The following PDE3A variants were observed in gnomAD, a reference collection of about 807,000 sequenced individuals.
PDE3A encodes the protein phosphodiesterase 3A, also known as cGMP-inhibited 3',5'-cyclic phosphodiesterase 3A.
Under a neutral mutation model 98.3 loss-of-function variants are expected in PDE3A, and 43 were observed. That is an observed-to-expected ratio of 0.44 (90% CI 0.34 to 0.56). The LOEUF (loss-of-function observed/expected upper bound fraction) is 0.56. PDE3A is among the 20% of genes least tolerant of loss of function. PDE3A has a pLI of 0.01. For synonymous variants in PDE3A, 663 were observed against 567.9 expected, an observed-to-expected ratio of 1.17 and a Z score of -2.38; for missense variants, 1,427 against 1,440.7, an observed-to-expected ratio of 0.99 and a Z score of 0.15.
intron 1 of PDE3A, among the ~76,000 whole-genome samples, chr12:20,483,449 T>C (rs1945668704): frequency 6.6e-6 from 1 of 152,104 alleles, no homozygotes; most frequent in African/African-American, 2.4e-5. Flanking sequence ...TTCTGGCAAA[T>C]GACTTGCAAA....
chr12:20,598,669 A>G (rs927484820), intron 2 of PDE3A, among the ~76,000 whole-genome samples: 8 of 152,210 alleles, frequency 5.3e-5, no homozygotes, highest in Admixed American at 3.3e-4. Context: ...TTCACAAATT[A>G]TTTTGTGAAG....
chr12:20,527,077 C>T (rs1013105316), intron 1 of PDE3A, among the ~76,000 whole-genome samples: 7 of 151,962 alleles, frequency 4.6e-5, no homozygotes, highest in Non-Finnish European at 8.8e-5. Context: ...TGCTGCCATG[C>T]CCGGCTGATT....
chr12:20,506,096 G>C (rs1488790583), intron 1 of PDE3A, among the ~76,000 whole-genome samples: 1 of 102,590 alleles, frequency 9.7e-6, no homozygotes, highest in African/African-American at 4.7e-5. Flanking sequence ...AACTCTAAAG[G>C]AAGGTGTGTG....
At chr12:20,472,286 A>C (rs918577870) in intron 1 of PDE3A, among the ~76,000 whole-genome samples, 4 of 152,146 alleles carry the variant, frequency 2.6e-5, no homozygotes, top group African/African-American at 9.7e-5. Context: ...CTACTTGCAT[A>C]TTCCTTTTAT....
At chr12:20,476,387 A>G (rs1945532276) in intron 1 of PDE3A, among the ~76,000 whole-genome samples, 2 of 152,170 alleles carry the variant, frequency 1.3e-5, no homozygotes, top group African/African-American at 4.8e-5. Context: ...GATATATTTG[A>G]TGGATGTTAT....
At chr12:20,500,965 A>G (rs1036983685) in intron 1 of PDE3A, among the ~76,000 whole-genome samples, 1 of 151,974 alleles carries the variant, frequency 6.6e-6, no homozygotes, top group African/African-American at 2.4e-5. Flanking sequence ...ATGGGGTGTC[A>G]TCATGTTGCC....
chr12:20,559,422 G>C (rs1038860660), intron 2 of PDE3A, among the ~76,000 whole-genome samples: 56 of 151,730 alleles, frequency 3.7e-4, no homozygotes, highest in African/African-American at 1.3e-3. Flanking sequence ...CAGATCACCA[G>C]AGGTCAGGAG....
At chr12:20,396,253 A>C (rs942764218) in intron 1 of PDE3A, among the ~76,000 whole-genome samples, 2 of 152,124 alleles carry the variant, frequency 1.3e-5, no homozygotes, top group Non-Finnish European at 2.9e-5. Context: ...TATCTCTATT[A>C]GTTGGTTTTC....
intron 1 of PDE3A, among the ~76,000 whole-genome samples, chr12:20,389,952 A>C (rs533786710): frequency 1.7e-3 from 258 of 152,062 alleles, no homozygotes; most frequent in Non-Finnish European, 1.4e-3. Flanking sequence ...GAAAAAAAAA[A>C]CCCAGTGTAT....
At chr12:20,577,650 T>G (rs774573102) in intron 2 of PDE3A, among the ~76,000 whole-genome samples, 1 of 152,174 alleles carries the variant, frequency 6.6e-6, no homozygotes, top group Non-Finnish European at 1.5e-5. Context: ...GTTGAACTAG[T>G]CAAATAACAT....
intron 15 of PDE3A, among the ~76,000 whole-genome samples, chr12:20,666,163 C>A (rs186724423): frequency 4.6e-5 from 7 of 152,008 alleles, no homozygotes; most frequent in Non-Finnish European, 1.0e-4. Context: ...TGGGGTTTCA[C>A]CATGTTGGCC....
chr12:20,413,597 A>T (rs1485075379), intron 1 of PDE3A, among the ~76,000 whole-genome samples: 1 of 152,216 alleles, frequency 6.6e-6, no homozygotes, highest in African/African-American at 2.4e-5. Flanking sequence ...AGAAATCGTC[A>T]GTGCTGGGAA....
intron 1 of PDE3A, among the ~76,000 whole-genome samples, chr12:20,397,867 A>C (rs1944046159): frequency 6.6e-6 from 1 of 152,140 alleles, no homozygotes; most frequent in African/African-American, 2.4e-5. Flanking sequence ...ATTCTGACAA[A>C]GTGGACATTG....
At position 20,613,630 on chromosome 12, in the gene PDE3A, C is replaced by T. The variant is rs143792143; in HGVS notation, c.1199C>T (p.Ser400Leu). 4.1e-5 allele frequency: 66 copies of T among 1,613,140 alleles called. No individual in the cohort carries two copies. Among genetic ancestry groups the T allele is most frequent in the African/African-American group, 1.2e-4 (9 of 74,904 alleles). ...IHKPRVNPVT[S>L]LSENYTCSDS... The stretch of plus-strand genomic sequence containing the variant: ...AAGCCCAGAGTGAATCCCGTCACTT[C>T]GCTCAGTGAAAACTATACCTGTTCT... Residue 400 changes from serine to leucine, a missense_variant, in exon 3 of 16, where the codon TCG (serine) becomes TTG (leucine). By Grantham distance (145) the Ser-to-Leu change is moderately radical. Coordinates refer to ENST00000359062, the MANE Select transcript of PDE3A (RefSeq NM_000921.5).
intron 4 of PDE3A, 75 bp from the exon 5 acceptor site, chr12:20,621,221 C>T: frequency 1.2e-6 from 1 of 811,600 alleles, no homozygotes; most frequent in Non-Finnish European, 2.1e-6. Context: ...TGGTTGGGTT[C>T]TGGCAAGACT....
chr12:20,668,512 A>C (rs1945383049), intron 15 of PDE3A, among the ~76,000 whole-genome samples: 1 of 152,220 alleles, frequency 6.6e-6, no homozygotes, highest in African/African-American at 2.4e-5. Context: ...GAGAACAGGC[A>C]GACTGCCTCC....
chr12:20,425,263 T>C (rs943962239), intron 1 of PDE3A, among the ~76,000 whole-genome samples: 7 of 152,104 alleles, frequency 4.6e-5, no homozygotes, highest in South Asian at 2.1e-4. Flanking sequence ...AGTGGGTTTT[T>C]TTTCCACCGG....
intron 1 of PDE3A, among the ~76,000 whole-genome samples, chr12:20,541,563 C>T (rs996348292): frequency 3.3e-5 from 5 of 152,070 alleles, no homozygotes; most frequent in Non-Finnish European, 7.4e-5. Context: ...GCAATTCTAA[C>T]GACCTCAGTT....
intron 1 of PDE3A, among the ~76,000 whole-genome samples, chr12:20,382,813 T>C (rs577615307): frequency 4.6e-5 from 7 of 152,140 alleles, no homozygotes; most frequent in African/African-American, 1.7e-4. Context: ...ACATGAATAA[T>C]ACATATTCTT....
Sources: gnomAD v4.1 joint callset for allele counts (sites outside exome capture counted in the v4.1 genomes callset) on GRCh38, gnomAD v4.1.1 for gene constraint, MANE v1.5 for transcripts, NCBI Gene and HGNC (gene_info 2026-07-23, HGNC 2026-07-21) for gene names.